The following RGS6 variants were observed in gnomAD, a reference collection of about 807,000 sequenced individuals.
RGS6 encodes regulator of G-protein signaling 6.
RGS6 carries 30 observed loss-of-function variants against 78.5 expected under a neutral mutation model. The observed-to-expected ratio is 0.38, with a 90% confidence interval of 0.29 to 0.52. The LOEUF (loss-of-function observed/expected upper bound fraction) is 0.52. Among genes scored for constraint, RGS6 ranks in the 20% least tolerant of loss-of-function variants. The pLI is 0.85. For synonymous variants in RGS6, 206 were observed against 206.0 expected (o/e 1.00, Z 0.00); for missense variants, 495 against 609.7 (o/e 0.81, Z 1.98).
chr14:72,523,715 A>G (rs2097082137), intron 15 of RGS6, among the ~76,000 whole-genome samples: 2 of 152,310 alleles, frequency 1.3e-5, no homozygotes, highest in Admixed American at 1.3e-4. Context: ...ATTTTGGGCC[A>G]AGACCAAATC....
Position 72,510,173 on chromosome 14 carries a change from C to G in RGS6, c.985C>G (p.Arg329Gly). 6.2e-7 allele frequency: 1 copy of G among 1,610,708 alleles called. No individual in the cohort carries two copies. Among genetic ancestry groups the G allele is most frequent in the Non-Finnish European group, 8.5e-7 (1 of 1,178,868 alleles). Residue 329 changes from arginine (R) to glycine (G), a missense_variant, in exon 14 of 18, where the codon CGA becomes GGA. Coordinates refer to ENST00000553525, the MANE Select transcript of RGS6 (RefSeq NM_001204424.2). ...IEMSKEPSQQ[R>G]VKRWGFSFDE... ...CCAAAGCAAAGAGCCCAGCCAACAG[C>G]GAGTAAAAAGATGGGGCTTCTCTTT...
At chr14:71,902,425 G>A in the RGS6 span, among the ~76,000 whole-genome samples, 1 of 152,148 alleles carries the variant, frequency 6.6e-6, no homozygotes, top group Non-Finnish European at 1.5e-5. Flanking sequence ...AGCAAGCCTT[G>A]TAAAGCCTTT....
intron 2 of RGS6, among the ~76,000 whole-genome samples, chr14:72,192,936 T>C (rs2283411): frequency 0.19 from 28,864 of 151,574 alleles, 2,934 homozygotes; most frequent in African/African-American, 0.26. Context: ...ACCATCTAAA[T>C]GGCTTCATCC....
intron 17 of RGS6, among the ~76,000 whole-genome samples, chr14:72,554,884 G>A (rs2097549758): frequency 6.6e-6 from 1 of 152,242 alleles, no homozygotes; most frequent in Non-Finnish European, 1.5e-5. Context: ...GTAGGGCTCA[G>A]CTGCTGAGTC....
At chr14:72,251,461 A>T (rs1381843768) in intron 2 of RGS6, among the ~76,000 whole-genome samples, 1 of 152,210 alleles carries the variant, frequency 6.6e-6, no homozygotes, top group African/African-American at 2.4e-5. Context: ...AAAGTTAGCA[A>T]GTCCTTGGTT....
At chr14:72,229,450 G>A (rs1459886730) in intron 2 of RGS6, among the ~76,000 whole-genome samples, 2 of 151,996 alleles carry the variant, frequency 1.3e-5, no homozygotes, top group African/African-American at 4.8e-5. Flanking sequence ...TCCCATTGTG[G>A]GCTGGTACTC....
chr14:71,907,274 G>A, the RGS6 span, among the ~76,000 whole-genome samples: 3 of 152,208 alleles, frequency 2.0e-5, no homozygotes, highest in Non-Finnish European at 4.4e-5. Context: ...GAGCCAATAT[G>A]GGAGAGAATT....
In RGS6 at chr14:72,352,189, T is replaced by C. The variant is rs1433605331; in HGVS notation, c.179T>C (p.Val60Ala). ...KSFLSKIPSVVTGTDIVQWLM... is the reference protein window; with the variant it reads ...KSFLSKIPSVATGTDIVQWLM... ...TTTCTCTCCAAAATCCCCAGTGTCG[T>C]CACAGGTAACACCCTCCTTGCAAGG... Residue 60 changes from valine to alanine, a missense_variant, in exon 3 of 18, where the codon GTC becomes GCC. Val to Ala is a moderately conservative substitution (Grantham distance 64). Coordinates refer to ENST00000553525, the MANE Select transcript of RGS6 (RefSeq NM_001204424.2). The C allele has an allele frequency of 2.5e-6, 4 of 1,612,480 alleles. No homozygotes were observed. The highest frequency in any genetic ancestry group is 3.4e-6 in the Non-Finnish European group (4 of 1,179,044).
At chr14:72,141,776 G>C (rs1234402567) in intron 2 of RGS6, among the ~76,000 whole-genome samples, 2 of 151,774 alleles carry the variant, frequency 1.3e-5, no homozygotes, top group African/African-American at 4.8e-5. Flanking sequence ...ACACATCTCT[G>C]TATATTCCCT....
intron 2 of RGS6, among the ~76,000 whole-genome samples, chr14:72,269,318 C>G (rs561211872): frequency 7.9e-5 from 12 of 152,202 alleles, no homozygotes; most frequent in South Asian, 6.2e-4. Context: ...CCATTGCATT[C>G]CAGATAAAAG....
At chr14:72,159,841 A>T (rs1490637045) in intron 2 of RGS6, among the ~76,000 whole-genome samples, 1 of 152,168 alleles carries the variant, frequency 6.6e-6, no homozygotes, top group Non-Finnish European at 1.5e-5. Flanking sequence ...TCTCTTAGTG[A>T]TGAGGCACTC....
rs562346808 is a variant in RGS6, at chr14:72,475,558, C to T, written c.693+859C>T. 1.2e-4 allele frequency among the ~76,000 whole-genome samples: 19 copies of T among 152,148 alleles called. 1 individual carries two copies. The South Asian group carries it at 2.9e-3, about 23-fold the overall frequency. Reference sequence around the variant, plus strand: ...CAGCTTGACCAACATGGAGAAACCCCGTCTCTACTAAAAATACACAATTAG... The same window carrying T: ...CAGCTTGACCAACATGGAGAAACCCTGTCTCTACTAAAAATACACAATTAG... On this transcript the variant is annotated intron_variant, in intron 10 of 17. Transcript: ENST00000553525.
chr14:72,236,417 C>T (rs528623517), intron 2 of RGS6, among the ~76,000 whole-genome samples: 23 of 152,202 alleles, frequency 1.5e-4, no homozygotes, highest in South Asian at 1.2e-3. Context: ...GTAAAATGTG[C>T]GCACAGCAAC....
rs541812285 is a variant in RGS6 at position 72,150,760 on chromosome 14, T to G, written c.84+185885T>G. ...AATCCACCCCTACCACCCAGTCACCTCCCACCAGGCCCTCCTCCACATTGA... is the reference window on the plus strand; with the variant it reads ...AATCCACCCCTACCACCCAGTCACCGCCCACCAGGCCCTCCTCCACATTGA... On this transcript the variant is annotated intron_variant, in intron 2 of 17. Coordinates refer to ENST00000553525, the MANE Select transcript of RGS6 (RefSeq NM_001204424.2). Among the ~76,000 whole-genome samples the G allele has an allele frequency of 2.6e-5, 4 of 152,078 alleles. No individual in the cohort carries two copies. In the East Asian group the frequency reaches 7.8e-4, roughly 30 times the overall value.
intron 2 of RGS6, among the ~76,000 whole-genome samples, chr14:72,333,697 G>A (rs974092909): frequency 6.6e-6 from 1 of 152,194 alleles, no homozygotes; most frequent in African/African-American, 2.4e-5. Flanking sequence ...CCCATACTGT[G>A]TGCTAGAGAA....
At chr14:72,573,346 C>T in the RGS6 span, among the ~76,000 whole-genome samples, 2 of 152,192 alleles carry the variant, frequency 1.3e-5, no homozygotes, top group Non-Finnish European at 2.9e-5. Context: ...GACTTGGGTT[C>T]ACCACTAGTA....
chr14:71,899,860 G>A, the RGS6 span, among the ~76,000 whole-genome samples: 1 of 152,130 alleles, frequency 6.6e-6, no homozygotes, highest in African/African-American at 2.4e-5. Flanking sequence ...TTTAACAGTT[G>A]TATTTATGTC....
chr14:72,262,666 GA>G (rs2058369685), intron 2 of RGS6, among the ~76,000 whole-genome samples: 1 of 152,156 alleles, frequency 6.6e-6, no homozygotes, highest in South Asian at 2.1e-4. Context: ...TGACATTTCT[GA>G]AAAATATGTT....
chr14:72,311,856 G>A (rs2068698599), intron 2 of RGS6, among the ~76,000 whole-genome samples: 1 of 152,196 alleles, frequency 6.6e-6, no homozygotes, highest in South Asian at 2.1e-4. Context: ...AGGAAGAATG[G>A]CCTTCAGTGA....
Sources: gnomAD v4.1 joint callset for allele counts (sites outside exome capture counted in the v4.1 genomes callset) on GRCh38, gnomAD v4.1.1 for gene constraint, MANE v1.5 for transcripts, NCBI Gene and HGNC (gene_info 2026-07-23, HGNC 2026-07-21) for gene names.